TGM3: variants seen among roughly 807,000 people sequenced by gnomAD.
TGM3 encodes the protein transglutaminase 3, also known as protein-glutamine gamma-glutamyltransferase E.
TGM3 carries 52 observed loss-of-function variants against 73.8 expected under a neutral mutation model. That is an observed-to-expected ratio of 0.70 (90% confidence interval 0.56 to 0.89). TGM3 has a LOEUF of 0.89. Among genes scored for constraint, TGM3 ranks in the 40% least tolerant of loss-of-function variants. The probability of loss-of-function intolerance (pLI) is 0.00; values close to 1 mark genes in which losing one functional copy is unlikely to be tolerated. For missense variants in TGM3, 928 were observed against 909.9 expected (o/e 1.02, Z -0.26); for synonymous variants, 372 against 354.9 (o/e 1.05, Z -0.54).
chr20:2,317,922 C>CATATATATATATATATCATAT (rs1568627286), intron 7 of TGM3, among the ~76,000 whole-genome samples: 3 of 143,064 alleles, frequency 2.1e-5, no homozygotes, highest in African/African-American at 7.8e-5. Context: ...CTTCTCTTAG[C>CATATATATATATATATCATAT]ATATATATAT....
At chr20:2,339,164 G>T (rs550980177) in intron 11 of TGM3, among the ~76,000 whole-genome samples, 82 of 152,308 alleles carry the variant, frequency 5.4e-4, no homozygotes, top group African/African-American at 1.9e-3. Flanking sequence ...GGGTTGAGCT[G>T]GGGGGACCCA....
intron 1 of TGM3, among the ~76,000 whole-genome samples, chr20:2,297,412 C>T (rs900294164): frequency 2.0e-5 from 3 of 152,186 alleles, no homozygotes; most frequent in African/African-American, 4.8e-5. Flanking sequence ...GAAATGAATG[C>T]GTTTTGAGGT....
At chr20:2,311,654 C>A (rs1191145322) in intron 4 of TGM3, among the ~76,000 whole-genome samples, 3 of 152,168 alleles carry the variant, frequency 2.0e-5, no homozygotes, top group Admixed American at 6.5e-5. Flanking sequence ...AGTTTATCCA[C>A]CAGACAAAGG....
At chr20:2,300,203 GA>G (rs759384374) in intron 1 of TGM3, among the ~76,000 whole-genome samples, 2 of 138,026 alleles carry the variant, frequency 1.4e-5, no homozygotes, top group Admixed American at 8.1e-5. Context: ...AATAGAAAGA[GA>G]AAGAAAGAAA....
At chr20:2,321,114 G>A (rs117575689) in intron 7 of TGM3, among the ~76,000 whole-genome samples, 231 of 152,322 alleles carry the variant, frequency 1.5e-3, no homozygotes, top group Non-Finnish European at 2.6e-3. Flanking sequence ...CCCTTAGTGA[G>A]GAAGTGACAG....
At chr20:2,304,686 G>A (rs1442220837) in intron 1 of TGM3, among the ~76,000 whole-genome samples, 2 of 152,152 alleles carry the variant, frequency 1.3e-5, no homozygotes, top group Non-Finnish European at 2.9e-5. Context: ...ACCGCCAAAT[G>A]TGTGGGGTTT....
rs749575246 is a variant in TGM3, at chr20:2,312,919, A to G, written c.562A>G (p.Ile188Val). The G allele has an allele frequency of 3.7e-6, 6 of 1,614,138 alleles. No individual in the cohort carries two copies. The East Asian group carries it at 1.3e-4, about 36-fold the overall frequency. Residue 188 changes from isoleucine to valine, a missense_variant, in exon 5 of 13, where the codon ATC becomes GTC. Ile to Val is a conservative substitution (Grantham distance 29). Coordinates refer to ENST00000381458, the MANE Select transcript of TGM3 (RefSeq NM_003245.4). The part of the protein sequence containing the change: ...FGQFEEDILS[I>V]CLSILDRSLN... ...ACAGTTTGAAGAAGACATTCTCAGC[A>G]TCTGCCTCTCAATCTTGGATAGGAG...
intron 9 of TGM3, among the ~76,000 whole-genome samples, chr20:2,331,005 CAAAAA>C (rs59627856): frequency 0.039 from 2,555 of 65,454 alleles, 45 homozygotes; most frequent in African/African-American, 0.11. Flanking sequence ...GACCCTGTCA[CAAAAA>C]AAAAAAAAAA....
chr20:2,299,402 G>GCACT (rs1364745031), intron 1 of TGM3, among the ~76,000 whole-genome samples: 1 of 149,620 alleles, frequency 6.7e-6, no homozygotes, highest in Non-Finnish European at 1.5e-5. Flanking sequence ...TCATGCCTGA[G>GCACT]CACTCCCCTT....
At chr20:2,317,696 G>A (rs903341676) in intron 7 of TGM3, among the ~76,000 whole-genome samples, 1 of 151,896 alleles carries the variant, frequency 6.6e-6, no homozygotes, top group Non-Finnish European at 1.5e-5. Context: ...TGCTAGTCTG[G>A]TCTATCTTGC....
chr20:2,316,955 T>C (rs2122227402), intron 5 of TGM3, 113 bp from the exon 6 acceptor site: 1 of 1,247,152 alleles, frequency 8.0e-7, no homozygotes, highest in Non-Finnish European at 1.1e-6. Context: ...AGTTCAATCA[T>C]GGCCTTTGGC....
In TGM3 at chr20:2,317,157, C is replaced by T. The variant is rs200572388; in HGVS notation, c.759C>T (p.Ser253=). The T allele has an allele frequency of 2.5e-5, 41 of 1,614,082 alleles. No individual in the cohort carries two copies. Among genetic ancestry groups the T allele is most frequent in the African/African-American group, 8.0e-5 (6 of 75,038 alleles). The change falls in exon 6 of 13, where the codon AGC becomes AGT. Residue 253 remains serine (S), a synonymous_variant. Coordinates refer to ENST00000381458, the MANE Select transcript of TGM3 (RefSeq NM_003245.4). ...GGGACCCAAGGAGCTGGAACGGCAG[C>T]GTGGAGATCCTCAAAAATTGGAAAA... ...GGRDPRSWNG[S]VEILKNWKKS...
At chr20:2,330,250 A>C (rs541300899) in intron 9 of TGM3, among the ~76,000 whole-genome samples, 7 of 152,346 alleles carry the variant, frequency 4.6e-5, no homozygotes, top group Admixed American at 2.6e-4. Context: ...AAACAGCAGG[A>C]GGAAGCTTAG....
At chr20:2,329,311 A>G (rs2084306850) in intron 9 of TGM3, among the ~76,000 whole-genome samples, 1 of 152,212 alleles carries the variant, frequency 6.6e-6, no homozygotes, top group South Asian at 2.1e-4. Context: ...GTTTACAAAA[A>G]AGGAAAGCTG....
intron 11 of TGM3, among the ~76,000 whole-genome samples, chr20:2,335,844 T>A (rs1391479192): frequency 1.3e-5 from 2 of 152,162 alleles, no homozygotes; most frequent in African/African-American, 2.4e-5. Flanking sequence ...AGGAGCCTAG[T>A]CACATGCTCC....
At chr20:2,303,864 G>A (rs533489495) in intron 1 of TGM3, among the ~76,000 whole-genome samples, 1 of 152,310 alleles carries the variant, frequency 6.6e-6, no homozygotes, top group South Asian at 2.1e-4. Context: ...GAGGTGGCAC[G>A]GAATCAGAGT....
Position 2,298,506 on chromosome 20 carries a change from C to A in TGM3, c.7+2436C>A, listed in dbSNP as rs533418451. On this transcript the variant is annotated intron_variant, in intron 1 of 12. Coordinates refer to ENST00000381458, the MANE Select transcript of TGM3 (RefSeq NM_003245.4). ...CTGTTTTGGGGACTAATGGCTCTGT[C>A]CCTCTGGGGCAGTGAGCTTTCTTGC... is the stretch of plus-strand genomic sequence containing the variant. Among the ~76,000 whole-genome samples, 4 of 152,332 alleles carry A rather than the reference C, an allele frequency of 2.6e-5. No individual in the cohort carries two copies. In the South Asian group the frequency reaches 8.3e-4, roughly 32 times the overall value.
chr20:2,297,483 G>T (rs1422387909), intron 1 of TGM3, among the ~76,000 whole-genome samples: 2 of 152,126 alleles, frequency 1.3e-5, no homozygotes, highest in African/African-American at 4.8e-5. Flanking sequence ...GAGTGGACAG[G>T]CACGTGCCCA....
At chr20:2,309,400 A>G (rs1355652667) in intron 1 of TGM3, among the ~76,000 whole-genome samples, 2 of 152,214 alleles carry the variant, frequency 1.3e-5, no homozygotes, top group South Asian at 2.1e-4. Context: ...CAGCTGTCTG[A>G]AAGGGCAGAG....
Sources: allele counts gnomAD v4.1 joint callset (sites outside exome capture counted in the v4.1 genomes callset), GRCh38; gene constraint gnomAD v4.1.1; transcripts MANE v1.5; gene names NCBI Gene and HGNC (gene_info 2026-07-23, HGNC 2026-07-21).